CDH12: variants seen among roughly 807,000 people sequenced by gnomAD.
CDH12 encodes cadherin-12.
In CDH12, 41 loss-of-function variants were observed where a neutral mutation model predicts 74.1. That is an observed-to-expected ratio of 0.55 (90% CI 0.43 to 0.72). CDH12 has a LOEUF of 0.72. CDH12 is among the 30% of genes least tolerant of loss of function. CDH12 has a pLI of 0.00. For missense variants in CDH12, 945 were observed against 977.2 expected, an observed-to-expected ratio of 0.97 and a Z score of 0.44; for synonymous variants, 399 against 355.0, an observed-to-expected ratio of 1.12 and a Z score of -1.39.
chr5:22,446,560 T>C (rs1744823766), intron 2 of CDH12, among the ~76,000 whole-genome samples: 1 of 152,100 alleles, frequency 6.6e-6, no homozygotes. Context: ...GAAAGATTTT[T>C]TTCTGACACA....
intron 5 of CDH12, among the ~76,000 whole-genome samples, chr5:22,027,534 T>C (rs1372024485): frequency 6.6e-6 from 1 of 152,188 alleles, no homozygotes; most frequent in Non-Finnish European, 1.5e-5. Flanking sequence ...CTTCCTGGTT[T>C]AGTCTTGGGA....
At chr5:22,005,410 T>G (rs1736887969) in intron 5 of CDH12, among the ~76,000 whole-genome samples, 1 of 152,176 alleles carries the variant, frequency 6.6e-6, no homozygotes, top group African/African-American at 2.4e-5. Context: ...TTCATGACTT[T>G]CCTATTATGA....
chr5:21,888,258 A>C (rs1432542063), intron 6 of CDH12, among the ~76,000 whole-genome samples: 1 of 152,164 alleles, frequency 6.6e-6, no homozygotes, highest in Non-Finnish European at 1.5e-5. Context: ...ATGTACATTC[A>C]GATTATTAAA....
intron 6 of CDH12, among the ~76,000 whole-genome samples, chr5:21,860,928 A>AC (rs932749868): frequency 3.3e-5 from 5 of 150,990 alleles, no homozygotes; most frequent in African/African-American, 1.2e-4. Flanking sequence ...TCCTTAATAA[A>AC]CCCCCCTTCA....
chr5:22,462,967 T>C (rs1745580021), intron 2 of CDH12, among the ~76,000 whole-genome samples: 1 of 152,108 alleles, frequency 6.6e-6, no homozygotes, highest in Non-Finnish European at 1.5e-5. Flanking sequence ...GAACAAAATA[T>C]CATTAAATGA....
chr5:21,958,869 A>G (rs1366001142), intron 6 of CDH12, among the ~76,000 whole-genome samples: 4 of 152,180 alleles, frequency 2.6e-5, no homozygotes, highest in Non-Finnish European at 5.9e-5. Context: ...TTTAATCTGT[A>G]AATTGATTTG....
At chr5:21,906,787 T>G (rs1753661082) in intron 6 of CDH12, among the ~76,000 whole-genome samples, 1 of 152,214 alleles carries the variant, frequency 6.6e-6, no homozygotes, top group Non-Finnish European at 1.5e-5. Context: ...CCTCTCCAGC[T>G]GCCTTCTGCC....
intron 5 of CDH12, among the ~76,000 whole-genome samples, chr5:22,027,557 C>T (rs1288286231): frequency 3.9e-5 from 6 of 152,058 alleles, no homozygotes; most frequent in Non-Finnish European, 5.9e-5. Flanking sequence ...GTGTATGAGT[C>T]GAGGAATTTA....
At chr5:22,171,433 A>T (rs1749023655) in intron 4 of CDH12, among the ~76,000 whole-genome samples, 1 of 151,946 alleles carries the variant, frequency 6.6e-6, no homozygotes, top group African/African-American at 2.4e-5. Context: ...TTCCTCTGAT[A>T]ATATGAGTGT....
At chr5:21,787,492 A>T (rs1404792706) in intron 10 of CDH12, among the ~76,000 whole-genome samples, 1 of 152,176 alleles carries the variant, frequency 6.6e-6, no homozygotes, top group Non-Finnish European at 1.5e-5. Flanking sequence ...CACTGACTCG[A>T]CTATGGTATA....
intron 1 of CDH12, among the ~76,000 whole-genome samples, chr5:22,512,049 A>G (rs994971376): frequency 6.6e-6 from 1 of 152,034 alleles, no homozygotes; most frequent in African/African-American, 2.4e-5. Context: ...ATTATATCAT[A>G]GTTACAATTA....
At chr5:22,122,240 T>G (rs1055112124) in intron 4 of CDH12, among the ~76,000 whole-genome samples, 7 of 151,982 alleles carry the variant, frequency 4.6e-5, no homozygotes, top group Non-Finnish European at 8.8e-5. Context: ...CCGTCTCTAC[T>G]AAAAATACAA....
chr5:22,563,076 T>TTATATA (rs536093698), intron 1 of CDH12, among the ~76,000 whole-genome samples: 21 of 147,206 alleles, frequency 1.4e-4, no homozygotes, highest in African/African-American at 5.2e-4. Flanking sequence ...ATTTATATAT[T>TTATATA]TATATATATA....
chr5:22,205,549 A>C (rs1751174945), intron 4 of CDH12, among the ~76,000 whole-genome samples: 1 of 152,174 alleles, frequency 6.6e-6, no homozygotes, highest in African/African-American at 2.4e-5. Flanking sequence ...TATTGTTTAT[A>C]GATTTTAGCA....
chr5:22,403,824 T>G (rs1169019665), intron 3 of CDH12, among the ~76,000 whole-genome samples: 3 of 152,158 alleles, frequency 2.0e-5, no homozygotes, highest in African/African-American at 7.2e-5. Flanking sequence ...GCAACTGCAC[T>G]GAGTCAAGCA....
chr5:22,370,556 G>C (rs992384923), intron 3 of CDH12, among the ~76,000 whole-genome samples: 2 of 151,978 alleles, frequency 1.3e-5, no homozygotes, highest in Non-Finnish European at 2.9e-5. Flanking sequence ...TATATTCCTT[G>C]AACTATTTTG....
At chr5:22,109,185 T>G (rs1192535491) in intron 4 of CDH12, among the ~76,000 whole-genome samples, 2 of 152,160 alleles carry the variant, frequency 1.3e-5, no homozygotes, top group African/African-American at 4.8e-5. Flanking sequence ...AGCCTGCAAA[T>G]GCGGTACTAA....
At chr5:22,746,315 C>A (rs772459268) in intron 1 of CDH12, among the ~76,000 whole-genome samples, 1 of 152,160 alleles carries the variant, frequency 6.6e-6, no homozygotes, top group South Asian at 2.1e-4. Context: ...ACAACAATAA[C>A]AACAATTTTA....
At chr5:22,487,799 G>A (rs1363373099) in intron 2 of CDH12, among the ~76,000 whole-genome samples, 1 of 152,142 alleles carries the variant, frequency 6.6e-6, no homozygotes, top group Non-Finnish European at 1.5e-5. Context: ...CAGACCAACA[G>A]CTCACATTAA....
Sources: gnomAD v4.1 joint callset for allele counts (sites outside exome capture counted in the v4.1 genomes callset) on GRCh38, gnomAD v4.1.1 for gene constraint, MANE v1.5 for transcripts, NCBI Gene and HGNC (gene_info 2026-07-23, HGNC 2026-07-21) for gene names.